Variants in PHACTR3 observed in about 807,000 individuals in gnomAD.
PHACTR3 encodes the protein protein phosphatase 1, regulatory subunit 123.
A neutral mutation model predicts 66.8 loss-of-function variants in PHACTR3; 16 were observed. The ratio of observed to expected loss-of-function variants is 0.24; its 90% CI spans 0.16 to 0.36. The LOEUF (loss-of-function observed/expected upper bound fraction) is 0.36, where lower values mean the gene tolerates loss of function less well. Among genes scored for constraint, PHACTR3 ranks in the 10% least tolerant of loss-of-function variants. PHACTR3 has a pLI of 1.00. For synonymous variants in PHACTR3, 323 were observed against 292.1 expected, an observed-to-expected ratio of 1.11 and a Z score of -1.08; for missense variants, 647 against 719.9, an observed-to-expected ratio of 0.90 and a Z score of 1.16.
chr20:59,818,332 G>A (rs918288721), intron 8 of PHACTR3, among the ~76,000 whole-genome samples: 5 of 152,170 alleles, frequency 3.3e-5, no homozygotes, highest in African/African-American at 9.7e-5. Flanking sequence ...GCCGTCACAC[G>A]TAGAATGCCT....
intron 1 of PHACTR3, among the ~76,000 whole-genome samples, chr20:59,595,766 G>C (rs1326219560): frequency 2.0e-5 from 3 of 152,190 alleles, no homozygotes; most frequent in African/African-American, 7.2e-5. Flanking sequence ...TTTGACGTCT[G>C]TCATTAGGTG....
At chr20:59,695,428 G>A (rs750703281) in intron 1 of PHACTR3, among the ~76,000 whole-genome samples, 4 of 152,074 alleles carry the variant, frequency 2.6e-5, no homozygotes, top group African/African-American at 9.7e-5. Flanking sequence ...GCCTTCCGCC[G>A]TGATTATAAG....
chr20:59,761,035 G>A (rs572131872), intron 4 of PHACTR3, among the ~76,000 whole-genome samples: 19 of 152,190 alleles, frequency 1.2e-4, no homozygotes, highest in African/African-American at 4.6e-4. Context: ...ACAGTCTACA[G>A]CCTAAACTCT....
intron 1 of PHACTR3, among the ~76,000 whole-genome samples, chr20:59,718,502 C>T (rs1328706099): frequency 6.6e-6 from 1 of 151,722 alleles, no homozygotes; most frequent in Non-Finnish European, 1.5e-5. Flanking sequence ...TGTGCAGTGC[C>T]TGGAATTAGA....
chr20:59,840,984 C>T (rs1014127224), intron 10 of PHACTR3, among the ~76,000 whole-genome samples: 6 of 152,214 alleles, frequency 3.9e-5, no homozygotes, highest in South Asian at 2.1e-4. Context: ...TCCCCTTCTT[C>T]GTTGTGCTGC....
intron 1 of PHACTR3, among the ~76,000 whole-genome samples, chr20:59,710,778 C>CCCTCACCA (rs2037886218): frequency 6.6e-6 from 1 of 152,014 alleles, no homozygotes; most frequent in Non-Finnish European, 1.5e-5. Context: ...TTCCCTCACC[C>CCCTCACCA]ACTTCTTGAT....
chr20:59,677,689 T>G (rs1356340082), intron 1 of PHACTR3, among the ~76,000 whole-genome samples: 1 of 152,194 alleles, frequency 6.6e-6, no homozygotes, highest in Non-Finnish European at 1.5e-5. Flanking sequence ...ATGCTTGCTT[T>G]CTTTTTAGAG....
intron 1 of PHACTR3, among the ~76,000 whole-genome samples, chr20:59,635,060 G>C (rs1037777991): frequency 6.6e-6 from 1 of 151,384 alleles, no homozygotes; most frequent in Non-Finnish European, 1.5e-5. Context: ...GCTGCTCCTT[G>C]CATTTTCTTT....
At chr20:59,773,821 C>T (rs1360125100) in intron 6 of PHACTR3, among the ~76,000 whole-genome samples, 1 of 152,206 alleles carries the variant, frequency 6.6e-6, no homozygotes, top group Non-Finnish European at 1.5e-5. Context: ...TGTCACTGGG[C>T]AAGAGTGTAA....
intron 1 of PHACTR3, among the ~76,000 whole-genome samples, chr20:59,657,719 C>G (rs2035667023): frequency 6.6e-6 from 1 of 152,096 alleles, no homozygotes; most frequent in Non-Finnish European, 1.5e-5. Flanking sequence ...TTTTCTCTTG[C>G]TATTTTCATG....
At chr20:59,787,577 C>A (rs1241007819) in intron 7 of PHACTR3, among the ~76,000 whole-genome samples, 2 of 152,170 alleles carry the variant, frequency 1.3e-5, no homozygotes, top group African/African-American at 4.8e-5. Context: ...TGTTGTTCTG[C>A]CAACAACCGT....
At chr20:59,808,133 G>A (rs752981270) in intron 8 of PHACTR3, among the ~76,000 whole-genome samples, 3 of 152,194 alleles carry the variant, frequency 2.0e-5, no homozygotes, top group African/African-American at 4.8e-5. Context: ...ACCATGAGCC[G>A]GGTGGAGCTG....
intron 5 of PHACTR3, among the ~76,000 whole-genome samples, chr20:59,767,701 G>A (rs1320740554): frequency 6.6e-6 from 1 of 152,212 alleles, no homozygotes; most frequent in African/African-American, 2.4e-5. Context: ...GAGTCAAAGG[G>A]GGGATCTTCC....
intron 1 of PHACTR3, among the ~76,000 whole-genome samples, chr20:59,691,586 CT>C (rs1390687215): frequency 1.1e-4 from 17 of 152,080 alleles, no homozygotes; most frequent in African/African-American, 4.1e-4. Flanking sequence ...ACAGAAGTCC[CT>C]TTCCCTCATA....
intron 1 of PHACTR3, among the ~76,000 whole-genome samples, chr20:59,614,043 G>A (rs1018300475): frequency 2.6e-5 from 4 of 152,144 alleles, no homozygotes; most frequent in East Asian, 1.9e-4. Flanking sequence ...GAAAGCTAGC[G>A]AGGCTGAGTA....
chr20:59,775,633 G>A (rs573801142), intron 7 of PHACTR3, among the ~76,000 whole-genome samples: 8 of 152,300 alleles, frequency 5.3e-5, no homozygotes, highest in South Asian at 2.1e-4. Context: ...GACTGCCACC[G>A]CGGAACCAGT....
chr20:59,733,104 C>T (rs1323108880), intron 1 of PHACTR3, among the ~76,000 whole-genome samples: 1 of 148,524 alleles, frequency 6.7e-6, no homozygotes, highest in Non-Finnish European at 1.5e-5. Flanking sequence ...CCCTCCCTGC[C>T]CTCCACCCAA....
intron 1 of PHACTR3, among the ~76,000 whole-genome samples, chr20:59,742,789 G>A (rs953373224): frequency 6.6e-6 from 1 of 152,214 alleles, no homozygotes; most frequent in Admixed American, 6.5e-5. Flanking sequence ...GGCAGAGCAC[G>A]AGCAAGGGTC....
At chr20:59,630,621 C>T (rs1040098384) in intron 1 of PHACTR3, among the ~76,000 whole-genome samples, 1 of 152,178 alleles carries the variant, frequency 6.6e-6, no homozygotes, top group Admixed American at 6.5e-5. Flanking sequence ...AGAGTGGTGA[C>T]GTGTGAGTGA....
Sources: allele counts gnomAD v4.1 joint callset (sites outside exome capture counted in the v4.1 genomes callset), GRCh38; gene constraint gnomAD v4.1.1; transcripts MANE v1.5; gene names NCBI Gene and HGNC (gene_info 2026-07-23, HGNC 2026-07-21).